Variants in KCTD4 observed in about 807,000 individuals in gnomAD.
The protein encoded by KCTD4 is BTB/POZ domain-containing protein KCTD4.
A neutral mutation model predicts 18.3 loss-of-function variants in KCTD4; 12 were observed. The ratio of observed to expected loss-of-function variants is 0.66; its 90% CI spans 0.42 to 1.06. The LOEUF is 1.06. Ranked by LOEUF, KCTD4 falls within the 50% of genes least tolerant of loss-of-function variation. KCTD4 has a pLI of 0.00. For synonymous variants in KCTD4, 124 were observed against 110.5 expected (o/e 1.12, Z -0.76); for missense variants, 250 against 303.4 (o/e 0.82, Z 1.31).
rs759102946 is a variant in KCTD4 at position 45,194,528 on chromosome 13, A to G, written c.40T>C (p.Tyr14His). 6.2e-7 allele frequency: 1 copy of G among 1,611,866 alleles called. No individual in the cohort carries two copies. The highest frequency in any genetic ancestry group is 1.3e-5 in the African/African-American group (1 of 74,310). Reference protein sequence around the residue: ...KINRREKEKEYEGKHNSLEDT... With the variant: ...KINRREKEKEHEGKHNSLEDT... The stretch of plus-strand genomic sequence containing the variant: ...TCCAGGCTGTTGTGTTTCCCTTCAT[A>G]CTCCTTTTCTTTTTCTCTTCTGTTT... The change falls in exon 2 of 2, where the codon TAT becomes CAT. Residue 14 changes from tyrosine to histidine, a missense_variant. Physicochemically the swap from Tyr to His is moderately conservative, Grantham distance 83. Transcript: ENST00000379108.
chr13:45,194,147 T>A lies in KCTD4; in HGVS notation c.421A>T (p.Thr141Ser), dbSNP rs185309053. The A allele has an allele frequency of 6.2e-7, 1 of 1,614,106 alleles. No homozygotes were observed. The highest frequency in any genetic ancestry group is 1.1e-5 in the South Asian group (1 of 91,082). ...TGGTTATCTGTTATTTCCAAGAAAG[T>A]AGTCTCTCTGGGTGTTAGCTGTTCT... The part of the protein sequence containing the change: ...EKEQLTPRET[T>S]FLEITDNHDR... The change falls in exon 2 of 2, where the codon ACT (threonine) becomes TCT (serine). Residue 141 changes from threonine (T) to serine (S), a missense_variant. By Grantham distance (58) the Thr-to-Ser change is moderately conservative. Transcript: ENST00000379108.
intron 1 of KCTD4, among the ~76,000 whole-genome samples, chr13:45,197,329 T>C (rs1271673925): frequency 2.0e-4 from 28 of 143,176 alleles, no homozygotes; most frequent in African/African-American, 6.9e-4. Flanking sequence ...AAATCCTTTG[T>C]CTACCAAAAA....
Position 45,194,219 on chromosome 13 carries a change from A to G in KCTD4, c.349T>C (p.Phe117Leu). Residue 117 changes from phenylalanine to leucine, a missense_variant, in exon 2 of 2, where the codon TTT becomes CTT. Transcript: ENST00000379108. ...TCCTCTGCCAGTCCCTTGAGCTGAAAGAATTCTGCTTCTTGTGCAAGAAGT... is the reference window on the plus strand; with the variant it reads ...TCCTCTGCCAGTCCCTTGAGCTGAAGGAATTCTGCTTCTTGTGCAAGAAGT... ...NQLLAQEAEF[F>L]QLKGLAEEVK... The G allele has an allele frequency of 6.2e-7, 1 of 1,614,132 alleles. No individual in the cohort carries two copies. Among genetic ancestry groups the G allele is most frequent in the Non-Finnish European group, 8.5e-7 (1 of 1,180,000 alleles).
Position 45,194,633 on chromosome 13 carries a change from A to G in KCTD4, c.-66T>C, listed in dbSNP as rs1872801194. ...AGATTTTTTAAAAAGAGACACTACC[A>G]CACAAGCACGCCTTTATTCAGCCCC... is the stretch of plus-strand genomic sequence containing the variant. On this transcript the variant is annotated 5_prime_UTR_variant, in exon 2 of 2. Coordinates refer to ENST00000379108, the MANE Select transcript of KCTD4 (RefSeq NM_198404.3). 6 of 1,382,772 alleles carry G rather than the reference A, an allele frequency of 4.3e-6. No individual in the cohort carries two copies. In the South Asian group the frequency reaches 6.6e-5, roughly 15 times the overall value. The allele number at this position is 1,382,772 out of a possible 1,614,324, so 85.7% of individuals were successfully genotyped here.
At chr13:45,198,574 T>C (rs1197394409) in intron 1 of KCTD4, among the ~76,000 whole-genome samples, 1 of 152,198 alleles carries the variant, frequency 6.6e-6, no homozygotes, top group Non-Finnish European at 1.5e-5. Context: ...GCTGCATGCT[T>C]CTCTGCTTGT....
At position 45,198,697 on chromosome 13, in the gene KCTD4, A is replaced by AT. The variant is rs532691559; in HGVS notation, c.-188+2126dup. The stretch of plus-strand genomic sequence containing the variant: ...ATATCTCTGCCTTGGACTTGCCCAC[A>AT]TTTTTTTTTTGTTTTTTTGTTTATT... On this transcript the variant is annotated intron_variant, in intron 1 of 1. Transcript: ENST00000379108. Among the ~76,000 whole-genome samples the AT allele has an allele frequency of 4.5e-3, 651 of 145,512 alleles. 1 individual carries two copies. The highest frequency in any genetic ancestry group is 0.014 in the African/African-American group (574 of 39,708).
In KCTD4 at chr13:45,193,853, G is replaced by A; in HGVS notation, c.715C>T (p.Leu239=). The A allele has an allele frequency of 6.2e-7, 1 of 1,613,912 alleles. No individual in the cohort carries two copies. Among genetic ancestry groups the A allele is most frequent in the South Asian group, 1.1e-5 (1 of 91,062 alleles). The change falls in exon 2 of 2, where the codon CTG becomes TTG. Residue 239 remains leucine (L), a synonymous_variant. Coordinates refer to ENST00000379108, the MANE Select transcript of KCTD4 (RefSeq NM_198404.3). ...CCTTTGGAACAATCCAGGCTGGTCAGCAGTCTAAAGCCACACTTTAAAGCC... is the reference window on the plus strand; with the variant it reads ...CCTTTGGAACAATCCAGGCTGGTCAACAGTCTAAAGCCACACTTTAAAGCC... The part of the protein sequence containing the change: ...MMALKCGFRL[L]TSLDCSKGSI...
intron 1 of KCTD4, among the ~76,000 whole-genome samples, chr13:45,197,808 G>A (rs746073488): frequency 6.6e-6 from 1 of 152,190 alleles, no homozygotes; most frequent in Admixed American, 6.5e-5. Context: ...TATACCAAGG[G>A]AGACATCCCT....
In KCTD4 at chr13:45,193,063, C is replaced by T. The variant is rs1440908328; in HGVS notation, c.*725G>A. On this transcript the variant is annotated 3_prime_UTR_variant, in exon 2 of 2. Coordinates refer to ENST00000379108, the MANE Select transcript of KCTD4 (RefSeq NM_198404.3). ...GTGGTACTGTTTGCTTTTAAAGTGACCTGTAACTTTTTATTATAATCATTA... is the reference window on the plus strand; with the variant it reads ...GTGGTACTGTTTGCTTTTAAAGTGATCTGTAACTTTTTATTATAATCATTA... 6.6e-6 allele frequency: 1 copy of T among 152,142 alleles called. No homozygotes were observed. The highest frequency in any genetic ancestry group is 1.5e-5 in the Non-Finnish European group (1 of 68,022). 9.4% of individuals were successfully genotyped at this position (152,142 alleles called of 1,614,324 possible).
Position 45,193,789 on chromosome 13 carries a change from T to G in KCTD4, c.779A>C (p.Ter260SerextTer27). 6.3e-7 allele frequency: 1 copy of G among 1,577,224 alleles called. No individual in the cohort carries two copies. The highest frequency in any genetic ancestry group is 8.6e-7 in the Non-Finnish European group (1 of 1,164,146). ...TGCCTTTGTTCGTGACACAGGTAAT[T>G]ACTTGATAAAATGAAGTGCATCGCT... is the stretch of plus-strand genomic sequence containing the variant. ...VHSDALHFIK[*>S] Residue 260 changes from the stop codon to serine (S), a stop_lost, in exon 2 of 2, where the codon TAA becomes TCA. Coordinates refer to ENST00000379108, the MANE Select transcript of KCTD4 (RefSeq NM_198404.3).
In KCTD4 at chr13:45,193,811, C is replaced by T. The variant is rs767608044; in HGVS notation, c.757G>A (p.Asp253Asn). The T allele has an allele frequency of 1.5e-5, 24 of 1,598,600 alleles. No homozygotes were observed. Among genetic ancestry groups the T allele is most frequent in the Non-Finnish European group, 2.0e-5 (23 of 1,174,320 alleles). ...DCSKGSIVHS[D>N]ALHFIK The stretch of plus-strand genomic sequence containing the variant: ...AATTACTTGATAAAATGAAGTGCAT[C>T]GCTGTGAACAATTGACCCTTTGGAA... Residue 253 changes from aspartate (D) to asparagine (N), a missense_variant, in exon 2 of 2, where the codon GAT becomes AAT. By Grantham distance (23) the Asp-to-Asn change is conservative (BLOSUM62 1). Transcript: ENST00000379108.
rs1872741357 is a variant in KCTD4 at position 45,193,612 on chromosome 13, G to A, written c.*176C>T. On this transcript the variant is annotated 3_prime_UTR_variant, in exon 2 of 2. Coordinates refer to ENST00000379108, the MANE Select transcript of KCTD4 (RefSeq NM_198404.3). The stretch of plus-strand genomic sequence containing the variant: ...GAGTCTGATCAGTAGGAACACCCCA[G>A]AGGAAGGACATCTTTAGCGATAGAA... The A allele has an allele frequency of 3.4e-6, 2 of 589,070 alleles. No individual in the cohort carries two copies. Among genetic ancestry groups the A allele is most frequent in the East Asian group, 5.6e-5 (2 of 35,816 alleles). The allele number at this position is 589,070 out of a possible 1,614,324, so 36.5% of individuals were successfully genotyped here.
chr13:45,194,592 GTTC>G lies in KCTD4; in HGVS notation c.-28_-26del. On this transcript the variant is annotated 5_prime_UTR_variant, in exon 2 of 2. Transcript: ENST00000379108. ...TTTTTTGAAGATGCTATTTCAGCTT[GTTC>G]TTCTTGGCTTTGAGATTTTTTAAAA... is the stretch of plus-strand genomic sequence containing the variant. The G allele has an allele frequency of 6.3e-7, 1 of 1,588,562 alleles. No homozygotes were observed. The highest frequency in any genetic ancestry group is 2.2e-5 in the East Asian group (1 of 44,638).
chr13:45,195,554 A>G (rs1339225194), intron 1 of KCTD4, among the ~76,000 whole-genome samples: 1 of 152,026 alleles, frequency 6.6e-6, no homozygotes, highest in Non-Finnish European at 1.5e-5. Flanking sequence ...TTTGTTTCAC[A>G]GTGGGCAAAA....
At chr13:45,200,422 GGAA>G (rs74980126) in intron 1 of KCTD4, among the ~76,000 whole-genome samples, 31,239 of 151,858 alleles carry the variant, frequency 0.21, 3,398 homozygotes, top group African/African-American at 0.23. Context: ...TCCTGCCTTA[GGAA>G]ACTCCCGTAT....
At chr13:45,196,339 C>T (rs928519682) in intron 1 of KCTD4, among the ~76,000 whole-genome samples, 3 of 152,170 alleles carry the variant, frequency 2.0e-5, no homozygotes, top group Admixed American at 1.3e-4. Context: ...TTGACTAAAA[C>T]GTCCTTTACT....
At chr13:45,196,914 A>G (rs988552969) in intron 1 of KCTD4, among the ~76,000 whole-genome samples, 1 of 151,814 alleles carries the variant, frequency 6.6e-6, no homozygotes, top group Admixed American at 6.6e-5. Flanking sequence ...TTCCTAGCTC[A>G]CTCACTTTTG....
chr13:45,196,911 C>T (rs1341240572), intron 1 of KCTD4, among the ~76,000 whole-genome samples: 1 of 152,110 alleles, frequency 6.6e-6, no homozygotes, highest in Non-Finnish European at 1.5e-5. Context: ...CACTTCCTAG[C>T]TCACTCACTT....
chr13:45,198,946 G>A (rs960502049), intron 1 of KCTD4, among the ~76,000 whole-genome samples: 1 of 152,148 alleles, frequency 6.6e-6, no homozygotes, highest in Non-Finnish European at 1.5e-5. Context: ...CCATGTTAAT[G>A]TAATTCTTTT....
Sources: gnomAD v4.1 joint callset for allele counts (sites outside exome capture counted in the v4.1 genomes callset) on GRCh38, gnomAD v4.1.1 for gene constraint, MANE v1.5 for transcripts, NCBI Gene and HGNC (gene_info 2026-07-23, HGNC 2026-07-21) for gene names.